The following COL9A1 variants were observed in gnomAD, a reference collection of about 807,000 sequenced individuals.
COL9A1 encodes the protein collagen type IX alpha 1 chain.
A neutral mutation model predicts 142.6 loss-of-function variants in COL9A1; 104 were observed. The ratio of observed to expected loss-of-function variants is 0.73; its 90% confidence interval spans 0.62 to 0.86. The LOEUF is 0.86. Among genes scored for constraint, COL9A1 ranks in the 40% least tolerant of loss-of-function variants. The probability of loss-of-function intolerance (pLI) is 0.00; values close to 1 mark genes in which losing one functional copy is unlikely to be tolerated. For synonymous variants in COL9A1, 466 were observed against 396.0 expected (o/e 1.18, Z -2.10); for missense variants, 1,210 against 1,176.6 (o/e 1.03, Z -0.42).
In COL9A1 at chr6:70,263,267, C is replaced by T. The variant is rs1365205893; in HGVS notation, c.1372G>A (p.Glu458Lys). 6.2e-7 allele frequency: 1 copy of T among 1,609,130 alleles called. No individual in the cohort carries two copies. ...ACTGGAGGTCCTTGAGCTCCAACTT[C>T]TCCGAGTTCTCCCTGGTCACCTTCT... is the stretch of plus-strand genomic sequence containing the variant. ...GEEGDQGELG[E>K]VGAQGPPGAQ... is the part of the protein sequence containing the mutation. The change falls in exon 19 of 38, where the codon GAA becomes AAA. Residue 458 changes from glutamate to lysine, a missense_variant. Transcript: ENST00000357250.
intron 16 of COL9A1, 114 bp from the exon 17 acceptor site, chr6:70,268,974 C>T: frequency 2.6e-6 from 2 of 783,560 alleles, no homozygotes; most frequent in African/African-American, 1.7e-5. Context: ...AACTCCATTG[C>T]AATAATATTC....
intron 29 of COL9A1, 22 bp downstream of exon 29, chr6:70,242,640 T>C (rs1210280746): frequency 2.5e-6 from 4 of 1,611,468 alleles, no homozygotes; most frequent in Admixed American, 3.3e-5. Flanking sequence ...AGAAGGCAAA[T>C]AAACGAAACT....
intron 33 of COL9A1, among the ~76,000 whole-genome samples, chr6:70,235,912 A>G (rs963684734): frequency 6.6e-6 from 1 of 152,084 alleles, no homozygotes; most frequent in Non-Finnish European, 1.5e-5. Flanking sequence ...CAGGAGATCG[A>G]GACCATCCTG....
chr6:70,274,642 G>A (rs1227941149), intron 11 of COL9A1, 77 bp downstream of exon 11: 2 of 1,196,956 alleles, frequency 1.7e-6, no homozygotes, highest in East Asian at 4.7e-5. Context: ...CTTAATGTTA[G>A]TTGGCTTGCA....
Position 70,302,204 on chromosome 6 carries a change from C to CTT in COL9A1, c.15-132_15-131dup, listed in dbSNP as rs202054376. 9.2e-3 allele frequency: 3,292 copies of CTT among 356,494 alleles called. 24 individuals are homozygous for CTT. The highest frequency in any genetic ancestry group is 0.013 in the African/African-American group (474 of 35,688). The allele number at this position is 356,494 out of a possible 1,614,324, so 22.1% of individuals were successfully genotyped here. On this transcript the variant is annotated intron_variant, in intron 1 of 37. Transcript: ENST00000357250. Reference sequence around the variant, plus strand: ...TCACAGTATAGTTTTTTTTTCATTTCTTTTTTTTTTTTTTTTTTTTTTTGA... The same window carrying CTT: ...TCACAGTATAGTTTTTTTTTCATTTCTTTTTTTTTTTTTTTTTTTTTTTTTGA...
intron 35 of COL9A1, 80 bp from the exon 36 acceptor site, chr6:70,232,851 G>A: frequency 7.1e-7 from 1 of 1,408,304 alleles, no homozygotes; most frequent in Non-Finnish European, 9.8e-7. Flanking sequence ...TATTCCAAAT[G>A]CCTTTTTTTC....
At chr6:70,269,745 G>A in intron 15 of COL9A1, 80 bp from the exon 16 acceptor site, 7 of 855,274 alleles carry the variant, frequency 8.2e-6, no homozygotes, top group South Asian at 1.4e-5. Flanking sequence ...AGCTCATCAG[G>A]CAAAAGTATA....
intron 33 of COL9A1, 90 bp from the exon 34 acceptor site, chr6:70,235,030 G>T (rs72923125): frequency 1.3e-6 from 2 of 1,530,356 alleles, no homozygotes; most frequent in African/African-American, 1.4e-5. Flanking sequence ...TGAAATTTGC[G>T]GTTTCCTGCA....
intron 18 of COL9A1, among the ~76,000 whole-genome samples, chr6:70,266,204 A>T (rs547410859): frequency 1.1e-4 from 17 of 152,336 alleles, no homozygotes; most frequent in African/African-American, 4.1e-4. Context: ...AACGTAAGTT[A>T]TTACTAACCT....
At chr6:70,301,583 A>T (rs1246323449) in intron 2 of COL9A1, among the ~76,000 whole-genome samples, 1 of 152,214 alleles carries the variant, frequency 6.6e-6, no homozygotes, top group Non-Finnish European at 1.5e-5. Context: ...TCTCAAAAAA[A>T]TAAAAATATA....
At chr6:70,227,588 C>CA (rs550016772) in intron 36 of COL9A1, among the ~76,000 whole-genome samples, 76 of 152,046 alleles carry the variant, frequency 5.0e-4, no homozygotes, top group Admixed American at 1.9e-3. Context: ...GCTAATTTGA[C>CA]AATAGCTATC....
intron 28 of COL9A1, among the ~76,000 whole-genome samples, chr6:70,245,164 G>C (rs1770514179): frequency 6.6e-6 from 1 of 152,186 alleles, no homozygotes; most frequent in African/African-American, 2.4e-5. Context: ...TACAAACAAG[G>C]TGTTGGGGCG....
In COL9A1 at chr6:70,254,488, C is replaced by T; in HGVS notation, c.1707G>A (p.Leu569=). The T allele has an allele frequency of 1.2e-6, 2 of 1,614,088 alleles. No individual in the cohort carries two copies. Among genetic ancestry groups the T allele is most frequent in the Non-Finnish European group, 1.7e-6 (2 of 1,179,964 alleles). Residue 569 remains leucine, a synonymous_variant, in exon 25 of 38, where the codon TTG becomes TTA. Coordinates refer to ENST00000357250, the MANE Select transcript of COL9A1 (RefSeq NM_001851.6). Reference sequence around the variant, plus strand: ...ATCAAATACTTACTGGTAACCCCTGCAATCCTGCATCACCAGGAGGCCCAG... The same window carrying T: ...ATCAAATACTTACTGGTAACCCCTGTAATCCTGCATCACCAGGAGGCCCAG... The part of the protein sequence containing the change: ...GKPGPPGDAG[L]QGLPGVPGIP...
chr6:70,250,406 C>T lies in COL9A1; in HGVS notation c.1872+1714G>A, dbSNP rs141191924. Reference sequence around the variant, plus strand: ...TGATCTGGCTATAATGTCATTGCTTCGACAGTTAACTTGTGGAAAGTATTT... The same window carrying T: ...TGATCTGGCTATAATGTCATTGCTTTGACAGTTAACTTGTGGAAAGTATTT... On this transcript the variant is annotated intron_variant, in intron 28 of 37. Coordinates refer to ENST00000357250, the MANE Select transcript of COL9A1 (RefSeq NM_001851.6). 2.9e-3 allele frequency among the ~76,000 whole-genome samples: 435 copies of T among 152,208 alleles called. 2 individuals carry two copies. The highest frequency in any genetic ancestry group is 9.9e-3 in the African/African-American group (412 of 41,520).
intron 7 of COL9A1, among the ~76,000 whole-genome samples, chr6:70,282,574 G>C (rs371252459): frequency 6.6e-6 from 1 of 152,118 alleles, no homozygotes; most frequent in Non-Finnish European, 1.5e-5. Context: ...GAGGTGGGGC[G>C]GGGGAGGGGG....
intron 5 of COL9A1, 39 bp from the exon 6 acceptor site, chr6:70,283,859 G>T: frequency 6.9e-7 from 1 of 1,440,012 alleles, no homozygotes; most frequent in Admixed American, 1.9e-5. Context: ...AGGTTTTTTG[G>T]ACGACTGAAG....
chr6:70,287,091 C>G (rs1047508730), intron 5 of COL9A1, among the ~76,000 whole-genome samples: 1 of 152,026 alleles, frequency 6.6e-6, no homozygotes, highest in Non-Finnish European at 1.5e-5. Context: ...ATATAACACG[C>G]GCATATATGT....
At chr6:70,228,075 T>C (rs916000783) in intron 36 of COL9A1, among the ~76,000 whole-genome samples, 1 of 152,116 alleles carries the variant, frequency 6.6e-6, no homozygotes, top group Non-Finnish European at 1.5e-5. Flanking sequence ...TTTTTATACA[T>C]TGTTAATTTT....
At chr6:70,271,798 A>G (rs955692078) in intron 13 of COL9A1, 90 bp from the exon 14 acceptor site, 2 of 1,310,606 alleles carry the variant, frequency 1.5e-6, no homozygotes, top group African/African-American at 3.0e-5. Flanking sequence ...TATTAGATTT[A>G]CATTTCTGTA....
Sources: gnomAD v4.1 joint callset for allele counts (sites outside exome capture counted in the v4.1 genomes callset) on GRCh38, gnomAD v4.1.1 for gene constraint, MANE v1.5 for transcripts, NCBI Gene and HGNC (gene_info 2026-07-23, HGNC 2026-07-21) for gene names.